ZBBX: variants seen among roughly 807,000 people sequenced by gnomAD.
ZBBX encodes zinc finger B-box domain-containing protein 1.
ZBBX carries 101 observed loss-of-function variants against 108.5 expected under a neutral mutation model. The observed-to-expected ratio is 0.93, with a 90% confidence interval of 0.79 to 1.10. ZBBX has a LOEUF of 1.10. Ranked by LOEUF, ZBBX falls within the 50% of genes least tolerant of loss-of-function variation. ZBBX has a pLI of 0.00. For missense variants in ZBBX, 1,009 were observed against 941.4 expected, an observed-to-expected ratio of 1.07 and a Z score of -0.94; for synonymous variants, 356 against 323.4, an observed-to-expected ratio of 1.10 and a Z score of -1.08.
At chr3:167,369,069 G>A (rs187941217) in intron 4 of ZBBX, among the ~76,000 whole-genome samples, 1 of 152,248 alleles carries the variant, frequency 6.6e-6, no homozygotes, top group Admixed American at 6.5e-5. Flanking sequence ...GGTAGTACCT[G>A]TTTGAGACCT....
At chr3:167,302,357 A>C (rs1732850181) in intron 17 of ZBBX, among the ~76,000 whole-genome samples, 1 of 152,168 alleles carries the variant, frequency 6.6e-6, no homozygotes, top group South Asian at 2.1e-4. Context: ...GGTACATACA[A>C]ATTCAGATTT....
intron 20 of ZBBX, among the ~76,000 whole-genome samples, chr3:167,279,877 A>G (rs1009313739): frequency 3.3e-5 from 5 of 152,208 alleles, no homozygotes; most frequent in Non-Finnish European, 7.3e-5. Context: ...CCAAAACAGC[A>G]TGGTACTGGT....
At chr3:167,358,773 A>T (rs1744018716) in intron 8 of ZBBX, among the ~76,000 whole-genome samples, 1 of 151,718 alleles carries the variant, frequency 6.6e-6, no homozygotes, top group Non-Finnish European at 1.5e-5. Flanking sequence ...CATTTCTACT[A>T]AAAATACAAA....
intron 18 of ZBBX, among the ~76,000 whole-genome samples, chr3:167,290,359 C>T (rs1378665499): frequency 1.3e-5 from 2 of 152,204 alleles, no homozygotes; most frequent in Non-Finnish European, 2.9e-5. Context: ...GAGGAAGGAA[C>T]AGGCAGCAAT....
chr3:167,298,443 C>G lies in ZBBX; in HGVS notation c.1741G>C (p.Ala581Pro), dbSNP rs1732047935. The G allele has an allele frequency of 6.7e-7, 1 of 1,497,314 alleles. No homozygotes were observed. Among genetic ancestry groups the G allele is most frequent in the South Asian group, 1.4e-5 (1 of 71,278 alleles). The allele number at this position is 1,497,314 out of a possible 1,614,324, so 92.8% of individuals were successfully genotyped here. ...TTTGTTATAGGCTTACTTCTGCAGGCTATTTCTTGTAACAACTAAGAAACA... is the reference window on the plus strand; with the variant it reads ...TTTGTTATAGGCTTACTTCTGCAGGGTATTTCTTGTAACAACTAAGAAACA... The part of the protein sequence containing the change: ...TKSSLLLQEI[A>P]CRSKPITKQY... The change falls in exon 18 of 22, where the codon GCC becomes CCC. Residue 581 changes from alanine (A) to proline (P), a missense_variant. Coordinates refer to ENST00000675490, the MANE Select transcript of ZBBX (RefSeq NM_001199201.2).
At chr3:167,266,444 TA>T (rs1434639124) in intron 20 of ZBBX, among the ~76,000 whole-genome samples, 1 of 152,196 alleles carries the variant, frequency 6.6e-6, no homozygotes, top group Non-Finnish European at 1.5e-5. Context: ...CCGTCAGTTC[TA>T]ATCAATAACT....
chr3:167,276,007 C>A (rs573963918), intron 20 of ZBBX, among the ~76,000 whole-genome samples: 63 of 152,166 alleles, frequency 4.1e-4, no homozygotes, highest in Admixed American at 9.2e-4. Flanking sequence ...AGGCACCCCC[C>A]AGCAGGGGCA....
upstream of ZBBX, among the ~76,000 whole-genome samples, chr3:167,381,773 C>T (rs573390001): frequency 7.0e-4 from 106 of 152,184 alleles, no homozygotes; most frequent in African/African-American, 2.5e-3. Flanking sequence ...GTGAAGAAAT[C>T]GTCAAAGCCC....
chr3:167,401,626 T>C (rs1294426966), intron 1 of ZBBX, among the ~76,000 whole-genome samples: 1 of 152,132 alleles, frequency 6.6e-6, no homozygotes, highest in Non-Finnish European at 1.5e-5. Context: ...ATGGCACTGG[T>C]GGGAGTGTAG....
At chr3:167,404,922 G>A (rs535909527) in intron 1 of ZBBX, among the ~76,000 whole-genome samples, 3 of 152,202 alleles carry the variant, frequency 2.0e-5, no homozygotes, top group Non-Finnish European at 4.4e-5. Context: ...CTGGTCGGGG[G>A]GAGTAGAATG....
intron 2 of ZBBX, among the ~76,000 whole-genome samples, chr3:167,375,892 T>C (rs1746882499): frequency 6.6e-6 from 1 of 152,222 alleles, no homozygotes; most frequent in South Asian, 2.1e-4. Context: ...GGACTAGTTA[T>C]GTTTGTACCT....
intron 6 of ZBBX, 125 bp downstream of exon 6, chr3:167,365,761 G>A (rs775853087): frequency 1.2e-5 from 6 of 486,640 alleles, no homozygotes; most frequent in African/African-American, 1.2e-4. Flanking sequence ...ATCAACAAGT[G>A]AATAATATGC....
the ZBBX span, among the ~76,000 whole-genome samples, chr3:167,219,730 C>T: frequency 1.6e-4 from 25 of 151,634 alleles, no homozygotes; most frequent in African/African-American, 5.8e-4. Context: ...AAACTAAACC[C>T]ACAATTAGTA....
At chr3:167,377,495 T>G (rs1217755905) in intron 2 of ZBBX, among the ~76,000 whole-genome samples, 1 of 152,176 alleles carries the variant, frequency 6.6e-6, no homozygotes, top group Non-Finnish European at 1.5e-5. Context: ...TATTTTGAAA[T>G]GGTCTAATTA....
chr3:167,271,626 A>G (rs1726536532), intron 20 of ZBBX, among the ~76,000 whole-genome samples: 2 of 152,300 alleles, frequency 1.3e-5, no homozygotes, highest in Middle Eastern at 6.8e-3. Flanking sequence ...TAGTTCTCAG[A>G]GTTCATGGGT....
intron 15 of ZBBX, among the ~76,000 whole-genome samples, chr3:167,314,481 CAT>C (rs1291006917): frequency 2.0e-5 from 3 of 152,052 alleles, no homozygotes; most frequent in Admixed American, 6.6e-5. Flanking sequence ...ACTAGATAAA[CAT>C]ATTATTTGTT....
the ZBBX span, among the ~76,000 whole-genome samples, chr3:167,220,911 G>A: frequency 3.3e-5 from 5 of 151,916 alleles, no homozygotes; most frequent in African/African-American, 9.6e-5. Context: ...TAGCATTTCT[G>A]TATGCCAACA....
intron 10 of ZBBX, among the ~76,000 whole-genome samples, 177 bp downstream of exon 10, chr3:167,333,650 G>A (rs758007114): frequency 1.3e-5 from 2 of 152,130 alleles, no homozygotes; most frequent in African/African-American, 4.8e-5. Flanking sequence ...ATCAAAGCAG[G>A]CTTCTTGAAA....
At chr3:167,180,868 A>G in the ZBBX span, among the ~76,000 whole-genome samples, 1 of 152,210 alleles carries the variant, frequency 6.6e-6, no homozygotes. Flanking sequence ...TAATGCCCCC[A>G]TGGGTTGTAT....
Sources: allele counts gnomAD v4.1 joint callset (sites outside exome capture counted in the v4.1 genomes callset), GRCh38; gene constraint gnomAD v4.1.1; transcripts MANE v1.5; gene names NCBI Gene and HGNC (gene_info 2026-07-23, HGNC 2026-07-21).